The following ADGRD1 variants were observed in gnomAD, a reference collection of about 807,000 sequenced individuals.
The protein encoded by ADGRD1 is adhesion G protein-coupled receptor D1, also known as G-protein coupled receptor 133.
A neutral mutation model predicts 113.4 loss-of-function variants in ADGRD1; 77 were observed. The observed-to-expected ratio is 0.68, with a 90% CI of 0.57 to 0.82. ADGRD1 has a LOEUF of 0.82. ADGRD1 is among the 40% of genes least tolerant of loss of function. The pLI is 0.00. For missense variants in ADGRD1, 1,036 were observed against 1,139.1 expected, an observed-to-expected ratio of 0.91 and a Z score of 1.30; for synonymous variants, 474 against 475.0, an observed-to-expected ratio of 1.00 and a Z score of 0.03.
chr12:131,084,452 C>T lies in ADGRD1; in HGVS notation c.1548-88C>T. On this transcript the variant is annotated intron_variant, in intron 14 of 24. Coordinates refer to ENST00000261654, the MANE Select transcript of ADGRD1 (RefSeq NM_198827.5). The surrounding 1 kb of genome is among the most constrained non-coding windows in gnomAD (Gnocchi z 4.5). Reference sequence around the variant, plus strand: ...TGGGCGCCGCCATGAGTTCACGGGGCCATGTGTTATGGGGGGTGCTGCTCT... The same window carrying T: ...TGGGCGCCGCCATGAGTTCACGGGGTCATGTGTTATGGGGGGTGCTGCTCT... 1 of 1,436,214 alleles carries T rather than the reference C, an allele frequency of 7.0e-7. No individual in the cohort carries two copies. Among genetic ancestry groups the T allele is most frequent in the Non-Finnish European group, 9.7e-7 (1 of 1,027,598 alleles). 89.0% of individuals were successfully genotyped at this position (1,436,214 alleles called of 1,614,324 possible). A position where few individuals can be genotyped will look rare whatever the true frequency, so the allele number is the denominator to read the frequency against.
In ADGRD1 at chr12:131,019,225, C is replaced by T. The variant is rs993089952; in HGVS notation, c.1473+4885C>T. Among the ~76,000 whole-genome samples, 7 of 152,230 alleles carry T rather than the reference C, an allele frequency of 4.6e-5. No homozygotes were observed. The East Asian group carries it at 5.8e-4, about 13-fold the overall frequency. On this transcript the variant is annotated intron_variant, in intron 13 of 24. Transcript: ENST00000261654. ...CCTGACCTCTGGCCACTGTCCCACC[C>T]GGCTCTAGGGGCACCCAGTGGGCTG...
chr12:131,112,781 G>A (rs1441969481), intron 18 of ADGRD1, among the ~76,000 whole-genome samples: 1 of 152,202 alleles, frequency 6.6e-6, no homozygotes, highest in Non-Finnish European at 1.5e-5. Flanking sequence ...GGCACTGGGT[G>A]GGGGAAATCG....
rs143373083 is a variant in ADGRD1, at chr12:131,057,700, G to A, written c.1474-19101G>A. Among the ~76,000 whole-genome samples, 56 of 152,198 alleles carry A rather than the reference G, an allele frequency of 3.7e-4. No homozygotes were observed. Among genetic ancestry groups the A allele is most frequent in the Middle Eastern group, 6.8e-3 (2 of 294 alleles). On this transcript the variant is annotated intron_variant, in intron 13 of 24. Coordinates refer to ENST00000261654, the MANE Select transcript of ADGRD1 (RefSeq NM_198827.5). The surrounding 1 kb of genome is among the most constrained non-coding windows in gnomAD (Gnocchi z 4.2). Reference sequence around the variant, plus strand: ...CATCTAGCACAGTCTCATCTTCAACGTTACATTAATGACATCTGCAAGGAC... The same window carrying A: ...CATCTAGCACAGTCTCATCTTCAACATTACATTAATGACATCTGCAAGGAC...
chr12:130,994,371 C>T (rs1057042926), intron 8 of ADGRD1: 20 of 311,256 alleles, frequency 6.4e-5, no homozygotes, highest in Non-Finnish European at 1.2e-4. Context: ...TTAGTAAACA[C>T]TCACACTCCG....
intron 13 of ADGRD1, among the ~76,000 whole-genome samples, chr12:131,073,420 A>G (rs777479172): frequency 5.9e-5 from 9 of 152,238 alleles, no homozygotes; most frequent in Non-Finnish European, 1.2e-4. Flanking sequence ...GGGCTGCCCC[A>G]GATGTTCCAC....
In ADGRD1 at chr12:131,136,098, G is replaced by C. The variant is rs144814859; in HGVS notation, c.2329G>C (p.Val777Leu). 1.9e-6 allele frequency: 3 copies of C among 1,614,210 alleles called. No homozygotes were observed. The highest frequency in any genetic ancestry group is 2.2e-5 in the South Asian group (2 of 91,092). The change falls in exon 22 of 25, where the codon GTG (valine) becomes CTG (leucine). Residue 777 changes from valine (V) to leucine (L), a missense_variant. Coordinates refer to ENST00000261654, the MANE Select transcript of ADGRD1 (RefSeq NM_198827.5). ...CCTGGGTACCTCGTGGGTCTTTGGCGTGCTTGCTGTCAACGGTTGTGCTGT... is the reference window on the plus strand; with the variant it reads ...CCTGGGTACCTCGTGGGTCTTTGGCCTGCTTGCTGTCAACGGTTGTGCTGT... ...PILGTSWVFG[V>L]LAVNGCAVVF...
Position 131,022,054 on chromosome 12 carries a change from A to G in ADGRD1, c.1473+7714A>G, listed in dbSNP as rs968433112. ...GTCACGTTGGATTAGGGCCTACTCT[A>G]ATGACCTCATTTTATCTTAATCACC... On this transcript the variant is annotated intron_variant, in intron 13 of 24. Transcript: ENST00000261654. The surrounding 1 kb of genome is among the most constrained non-coding windows in gnomAD (Gnocchi z 4.6). Among the ~76,000 whole-genome samples the G allele has an allele frequency of 1.3e-5, 2 of 152,024 alleles. No homozygotes were observed. The highest frequency in any genetic ancestry group is 3.9e-4 in the East Asian group (2 of 5,176).
chr12:130,983,746 C>T (rs1233339163), intron 5 of ADGRD1, among the ~76,000 whole-genome samples: 1 of 152,190 alleles, frequency 6.6e-6, no homozygotes, highest in African/African-American at 2.4e-5. Context: ...GTTGCACAAT[C>T]TTGAGCAAGA....
At chr12:131,025,910 C>T (rs1327009690) in intron 13 of ADGRD1, 1 of 152,318 alleles carries the variant, frequency 6.6e-6, no homozygotes, top group Non-Finnish European at 1.5e-5. Flanking sequence ...GCAGGCCCAT[C>T]CTGGAGGCTC....
chr12:130,997,130 C>T (rs1309239), intron 8 of ADGRD1, among the ~76,000 whole-genome samples: 6 of 93,298 alleles, frequency 6.4e-5, no homozygotes, highest in African/African-American at 2.2e-4. Flanking sequence ...GCTGGCCGGG[C>T]GGGGGGCTGA....
chr12:131,070,595 C>A lies in ADGRD1; in HGVS notation c.1474-6206C>A, dbSNP rs536838114. 7.7e-4 allele frequency: 207 copies of A among 269,522 alleles called. 5 individuals carry two copies. The highest frequency in any genetic ancestry group is 6.8e-3 in the South Asian group (204 of 30,116). The allele number at this position is 269,522 out of a possible 1,614,324, so 16.7% of individuals were successfully genotyped here. ...GTTGACCTGCTGCTCTGCGGGGACT[C>A]GGTGCGGGAGACGAGTGGAGGCTGC... On this transcript the variant is annotated intron_variant, in intron 13 of 24. Transcript: ENST00000261654.
intron 13 of ADGRD1, among the ~76,000 whole-genome samples, chr12:131,052,367 A>T (rs932930055): frequency 2.0e-5 from 3 of 152,198 alleles, no homozygotes; most frequent in Non-Finnish European, 4.4e-5. Flanking sequence ...CCACATCACC[A>T]TCACTTCTCG....
intron 15 of ADGRD1, among the ~76,000 whole-genome samples, chr12:131,090,988 C>A (rs534200861): frequency 6.6e-6 from 1 of 152,314 alleles, no homozygotes; most frequent in East Asian, 1.9e-4. Flanking sequence ...CTTCTAACTT[C>A]TCCTGCTGAG....
chr12:131,010,564 C>T (rs1035502208), intron 12 of ADGRD1, among the ~76,000 whole-genome samples: 1 of 152,244 alleles, frequency 6.6e-6, no homozygotes, highest in African/African-American at 2.4e-5. Flanking sequence ...CAGCACTCCT[C>T]TGAAGCCTCA....
chr12:131,098,444 G>A (rs992580037), intron 15 of ADGRD1, among the ~76,000 whole-genome samples: 6 of 152,162 alleles, frequency 3.9e-5, no homozygotes, highest in African/African-American at 7.2e-5. Context: ...AGTGTACAGC[G>A]GAACCCAAGC....
intron 3 of ADGRD1, chr12:130,967,414 GAC>G (rs1871122436): frequency 6.1e-6 from 1 of 165,066 alleles, no homozygotes; most frequent in Non-Finnish European, 1.3e-5. Flanking sequence ...AGCTTTGTAT[GAC>G]AGTTTTCCAT....
At chr12:130,989,185 G>T (rs1013143615) in intron 6 of ADGRD1, 5 of 152,178 alleles carry the variant, frequency 3.3e-5, no homozygotes, top group Non-Finnish European at 7.3e-5. Context: ...GCATTTTATT[G>T]CCTAGGGTTT....
chr12:131,128,054 G>T (rs1593262563), intron 20 of ADGRD1, among the ~76,000 whole-genome samples: 1 of 133,988 alleles, frequency 7.5e-6, no homozygotes, highest in South Asian at 2.5e-4. Flanking sequence ...GGTTGGTTGT[G>T]ATGGGACTCT....
intron 13 of ADGRD1, among the ~76,000 whole-genome samples, chr12:131,058,901 T>C (rs962688461): frequency 1.3e-5 from 2 of 152,218 alleles, no homozygotes; most frequent in East Asian, 1.9e-4. Flanking sequence ...TGTGTTTATA[T>C]GTTTTGCCAA....
Sources: allele counts gnomAD v4.1 joint callset (sites outside exome capture counted in the v4.1 genomes callset), GRCh38; gene constraint gnomAD v4.1.1; non-coding constraint Gnocchi (gnomAD v3.1); transcripts MANE v1.5; gene names NCBI Gene and HGNC (gene_info 2026-07-23, HGNC 2026-07-21).